ABTB2: variants seen among roughly 807,000 people sequenced by gnomAD.
ABTB2 encodes ankyrin repeat and BTB/POZ domain-containing protein 2.
Under a neutral mutation model 104.1 loss-of-function variants are expected in ABTB2, and 56 were observed. That is an observed-to-expected ratio of 0.54 (90% CI 0.43 to 0.67). The LOEUF (loss-of-function observed/expected upper bound fraction) is 0.67. Among genes scored for constraint, ABTB2 ranks in the 30% least tolerant of loss-of-function variants. The pLI is 0.00. For synonymous variants in ABTB2, 606 were observed against 608.2 expected (o/e 1.00, Z 0.05); for missense variants, 1,279 against 1,407.7 (o/e 0.91, Z 1.46).
intron 1 of ABTB2, among the ~76,000 whole-genome samples, chr11:34,352,794 G>T (rs576096593): frequency 2.0e-5 from 3 of 152,322 alleles, no homozygotes; most frequent in African/African-American, 7.2e-5. Context: ...GATGGGTCAT[G>T]CCTGTAATCC....
At chr11:34,327,906 T>A (rs537517580) in intron 1 of ABTB2, among the ~76,000 whole-genome samples, 1 of 152,322 alleles carries the variant, frequency 6.6e-6, no homozygotes, top group African/African-American at 2.4e-5. Context: ...GCACTTTGTC[T>A]GCTGTCTCAC....
chr11:34,295,831 C>G (rs983995235), intron 1 of ABTB2, among the ~76,000 whole-genome samples: 8 of 152,178 alleles, frequency 5.3e-5, no homozygotes, highest in African/African-American at 1.9e-4. Flanking sequence ...AAAGAGCTAC[C>G]TGGGGTCCCT....
intron 1 of ABTB2, among the ~76,000 whole-genome samples, chr11:34,316,808 G>A (rs765434310): frequency 2.0e-5 from 3 of 152,192 alleles, no homozygotes; most frequent in African/African-American, 4.8e-5. Context: ...ACTACATTAA[G>A]GGTATACAAA....
intron 1 of ABTB2, among the ~76,000 whole-genome samples, chr11:34,325,461 C>T (rs1293641333): frequency 6.6e-6 from 1 of 152,176 alleles, no homozygotes; most frequent in Non-Finnish European, 1.5e-5. Flanking sequence ...CTAGTTTCCT[C>T]ACTTATAAGG....
intron 1 of ABTB2, among the ~76,000 whole-genome samples, chr11:34,286,500 C>G (rs1854508038): frequency 6.6e-6 from 1 of 152,126 alleles, no homozygotes; most frequent in Admixed American, 6.5e-5. Flanking sequence ...ACCATGTTGT[C>G]CAGGCTGGTC....
intron 1 of ABTB2, among the ~76,000 whole-genome samples, chr11:34,307,227 C>T (rs192666191): frequency 7.2e-5 from 11 of 152,200 alleles, no homozygotes; most frequent in Admixed American, 1.3e-4. Flanking sequence ...AACCAATGCT[C>T]CTAGTGCTCC....
intron 3 of ABTB2, among the ~76,000 whole-genome samples, chr11:34,183,652 G>A (rs188984462): frequency 3.3e-5 from 5 of 152,150 alleles, no homozygotes; most frequent in Admixed American, 1.3e-4. Context: ...CACAGCACTC[G>A]TCCAATTTGC....
rs141885689 is a variant in ABTB2, at chr11:34,152,527, T to C, written c.2938A>G (p.Lys980Glu). The C allele has an allele frequency of 3.1e-6, 5 of 1,612,206 alleles. No individual in the cohort carries two copies. Among genetic ancestry groups the C allele is most frequent in the Non-Finnish European group, 4.2e-6 (5 of 1,179,668 alleles). The change falls in exon 17 of 17, where the codon AAG becomes GAG. Residue 980 changes from lysine (K) to glutamate (E), a missense_variant. By Grantham distance (56) the Lys-to-Glu change is moderately conservative. Transcript: ENST00000435224. Reference sequence around the variant, plus strand: ...AAGGCATCCTGCTCCAGTAGGGCCTTCATGTGCTTGAGGAAGAAGCCCTCA... The same window carrying C: ...AAGGCATCCTGCTCCAGTAGGGCCTCCATGTGCTTGAGGAAGAAGCCCTCA... ...FCEGFFLKHMKALLEQDAFRQ... is the reference protein window; with the variant it reads ...FCEGFFLKHMEALLEQDAFRQ...
At chr11:34,239,375 C>G (rs1263770763) in intron 1 of ABTB2, among the ~76,000 whole-genome samples, 1 of 151,886 alleles carries the variant, frequency 6.6e-6, no homozygotes, top group East Asian at 1.9e-4. Flanking sequence ...ACAGGGTGCC[C>G]CATGCTGGAG....
chr11:34,154,878 C>G lies in ABTB2; in HGVS notation c.2698-109G>C. 1 of 1,031,250 alleles carries G rather than the reference C, an allele frequency of 9.7e-7. No homozygotes were observed. Among genetic ancestry groups the G allele is most frequent in the Non-Finnish European group, 1.5e-6 (1 of 679,248 alleles). 63.9% of individuals were successfully genotyped at this position (1,031,250 alleles called of 1,614,324 possible). ...CTGCCGCCTCCAGGGGCCTGTCCCT[C>G]TGCAGGTCCCCAGCTCTGTCTCTCC... On this transcript the variant is annotated intron_variant, in intron 14 of 16. Transcript: ENST00000435224. The surrounding 1 kb of genome is among the most constrained non-coding windows in gnomAD (Gnocchi z 4.9).
rs145388210 is a variant in ABTB2 at position 34,276,508 on chromosome 11, CCA to C, written c.884-71820_884-71819del. ...AAATATAGGGCCACAGAATTCTTCC[CCA>C]CACACAGTCCCCACCCAGCCTGGCT... On this transcript the variant is annotated intron_variant, in intron 1 of 16. Coordinates refer to ENST00000435224, the MANE Select transcript of ABTB2 (RefSeq NM_145804.3). 2.8e-3 allele frequency among the ~76,000 whole-genome samples: 426 copies of C among 152,260 alleles called. 12 individuals carry two copies. The East Asian group carries it at 0.066, about 24-fold the overall frequency.
At chr11:34,223,626 T>C (rs289981) in intron 1 of ABTB2, among the ~76,000 whole-genome samples, 128,142 of 152,204 alleles carry the variant, frequency 0.84, 54,073 homozygotes, top group East Asian at 1. Context: ...TTGCAGCTTG[T>C]GCCTTGCAGG....
intron 3 of ABTB2, among the ~76,000 whole-genome samples, chr11:34,176,279 CAAAAAAAAAAAAA>C (rs58009507): frequency 9.4e-5 from 7 of 74,832 alleles, no homozygotes; most frequent in East Asian, 4.3e-4. Flanking sequence ...GACTCCGTCT[CAAAAAAAAAAAAA>C]AAAAAAAAAA....
intron 1 of ABTB2, among the ~76,000 whole-genome samples, chr11:34,237,110 T>TG (rs910833478): frequency 2.0e-5 from 3 of 152,122 alleles, no homozygotes; most frequent in African/African-American, 7.2e-5. Flanking sequence ...CCTCTGTGTG[T>TG]GTTGAGGTTT....
At chr11:34,208,398 ACCAT>A (rs1309982800) in intron 1 of ABTB2, among the ~76,000 whole-genome samples, 4 of 152,134 alleles carry the variant, frequency 2.6e-5, no homozygotes, top group Non-Finnish European at 5.9e-5. Context: ...CCGCTTTGGG[ACCAT>A]GTAAAAGCCA....
At chr11:34,339,155 C>T (rs369237702) in intron 1 of ABTB2, among the ~76,000 whole-genome samples, 14 of 152,284 alleles carry the variant, frequency 9.2e-5, no homozygotes, top group African/African-American at 3.1e-4. Flanking sequence ...CCAGGCTGGT[C>T]TCCAACGCCT....
chr11:34,173,489 C>A (rs1326750969), intron 3 of ABTB2, among the ~76,000 whole-genome samples, 182 bp from the exon 4 acceptor site: 1 of 152,098 alleles, frequency 6.6e-6, no homozygotes, highest in African/African-American at 2.4e-5. Context: ...TGAAGGGCAG[C>A]AGGGGACCCC....
At chr11:34,217,025 C>A (rs183472309) in intron 1 of ABTB2, among the ~76,000 whole-genome samples, 1 of 152,182 alleles carries the variant, frequency 6.6e-6, no homozygotes, top group African/African-American at 2.4e-5. Context: ...AATTTCTGCA[C>A]GAGCCACCCC....
chr11:34,200,455 G>C (rs373647326), intron 2 of ABTB2, among the ~76,000 whole-genome samples: 2 of 152,086 alleles, frequency 1.3e-5, no homozygotes, highest in Non-Finnish European at 2.9e-5. Context: ...CGGCTTCTTC[G>C]ATCCAAGCCC....
Sources: gnomAD v4.1 joint callset for allele counts (sites outside exome capture counted in the v4.1 genomes callset) on GRCh38, gnomAD v4.1.1 for gene constraint, Gnocchi (gnomAD v3.1) non-coding constraint, MANE v1.5 for transcripts, NCBI Gene and HGNC (gene_info 2026-07-23, HGNC 2026-07-21) for gene names.